ADK: variants seen among roughly 807,000 people sequenced by gnomAD.
The protein encoded by ADK is adenosine kinase, also known as N6,N6-dimethyladenosine kinase.
Under a neutral mutation model 44.7 loss-of-function variants are expected in ADK, and 24 were observed. That is an observed-to-expected ratio of 0.54 (90% CI 0.39 to 0.76). The LOEUF (loss-of-function observed/expected upper bound fraction) is 0.76, where lower values mean the gene tolerates loss of function less well. Ranked by LOEUF, ADK falls within the 30% of genes least tolerant of loss-of-function variation. The pLI, the probability that ADK is intolerant of heterozygous loss-of-function variation, is 0.00. For synonymous variants in ADK, 128 were observed against 142.6 expected (o/e 0.90, Z 0.73); for missense variants, 321 against 425.1 (o/e 0.76, Z 2.15).
rs1842347347 is a variant in ADK at position 74,176,620 on chromosome 10, A to C, written c.66-24144A>C. On this transcript the variant is annotated intron_variant, in intron 1 of 10. Coordinates refer to ENST00000539909, the MANE Select transcript of ADK (RefSeq NM_006721.4). ...CTAGCCCGCGCGCCAGTGAGCTGGC[A>C]CGAGACACGCGGTGGCCCACGGCGT... is the stretch of plus-strand genomic sequence containing the variant. 8 of 1,394,216 alleles carry C rather than the reference A, an allele frequency of 5.7e-6. No homozygotes were observed. The South Asian group carries it at 9.5e-5, about 17-fold the overall frequency. The allele number at this position is 1,394,216 out of a possible 1,614,324, so 86.4% of individuals were successfully genotyped here.
chr10:74,200,649 G>A (rs1843345083), intron 1 of ADK, 115 bp from the exon 2 acceptor site: 3 of 726,674 alleles, frequency 4.1e-6, no homozygotes, highest in South Asian at 1.5e-5. Context: ...TAATAAACTG[G>A]TGTGTTAGGT....
intron 4 of ADK, among the ~76,000 whole-genome samples, chr10:74,388,206 CTTGT>C (rs1260730742): frequency 6.6e-6 from 1 of 152,180 alleles, no homozygotes; most frequent in African/African-American, 2.4e-5. Flanking sequence ...TGCACACGGC[CTTGT>C]TTGTCAATTT....
intron 3 of ADK, among the ~76,000 whole-genome samples, chr10:74,241,312 C>G (rs1405601720): frequency 6.6e-6 from 1 of 152,168 alleles, no homozygotes; most frequent in African/African-American, 2.4e-5. Flanking sequence ...ATAGCCTCCC[C>G]CATTTTCAGC....
intron 4 of ADK, among the ~76,000 whole-genome samples, chr10:74,370,114 T>C (rs547879358): frequency 8.5e-5 from 13 of 152,290 alleles, no homozygotes; most frequent in African/African-American, 3.1e-4. Flanking sequence ...AAAACATTAC[T>C]GAATGAAAAT....
Position 74,349,847 on chromosome 10 carries a change from A to G in ADK, c.273+35102A>G, listed in dbSNP as rs373867614. On this transcript the variant is annotated intron_variant, in intron 4 of 10. Coordinates refer to ENST00000539909, the MANE Select transcript of ADK (RefSeq NM_006721.4). ...GGCATTACATAATGGTAAAGGGATC[A>G]ATGCAACAAGAAGAGCTATCGTAAA... Among the ~76,000 whole-genome samples, 5 of 152,328 alleles carry G rather than the reference A, an allele frequency of 3.3e-5. 1 individual carries two copies. Among genetic ancestry groups the G allele is most frequent in the African/African-American group, 1.2e-4 (5 of 41,574 alleles).
intron 10 of ADK, among the ~76,000 whole-genome samples, chr10:74,697,733 C>A (rs1856259857): frequency 6.6e-6 from 1 of 152,144 alleles, no homozygotes; most frequent in Non-Finnish European, 1.5e-5. Flanking sequence ...TTTCTTGATT[C>A]TCTGTAAATG....
At chr10:74,489,770 T>C (rs918882490) in intron 6 of ADK, among the ~76,000 whole-genome samples, 1 of 151,916 alleles carries the variant, frequency 6.6e-6, no homozygotes, top group African/African-American at 2.4e-5. Flanking sequence ...ATTAAACCAA[T>C]TTATATTTTC....
intron 6 of ADK, among the ~76,000 whole-genome samples, chr10:74,522,007 A>G (rs1848854147): frequency 1.3e-5 from 2 of 152,188 alleles, no homozygotes; most frequent in Non-Finnish European, 2.9e-5. Flanking sequence ...CTTTAAAGTG[A>G]TAAGAGGCAG....
chr10:74,385,438 C>T (rs1051733655), intron 4 of ADK, among the ~76,000 whole-genome samples: 19 of 152,044 alleles, frequency 1.2e-4, no homozygotes, highest in African/African-American at 3.4e-4. Flanking sequence ...AAAGTATATA[C>T]GGTAAGAATT....
At chr10:74,400,103 A>G (rs1005317205) in intron 6 of ADK, among the ~76,000 whole-genome samples, 9 of 152,126 alleles carry the variant, frequency 5.9e-5, no homozygotes, top group African/African-American at 2.2e-4. Context: ...TTAAATATTT[A>G]TACTTACGTG....
At chr10:74,635,690 T>A (rs1183015607) in intron 9 of ADK, among the ~76,000 whole-genome samples, 3 of 152,098 alleles carry the variant, frequency 2.0e-5, no homozygotes, top group Non-Finnish European at 4.4e-5. Flanking sequence ...CTAGACTCAT[T>A]AGGGATGTTC....
At chr10:74,597,668 A>G (rs1451136670) in intron 8 of ADK, among the ~76,000 whole-genome samples, 3 of 152,178 alleles carry the variant, frequency 2.0e-5, no homozygotes, top group Non-Finnish European at 4.4e-5. Flanking sequence ...CACAGAAGTG[A>G]TGTTCCTTTC....
chr10:74,169,751 A>G (rs2132052473), intron 1 of ADK, among the ~76,000 whole-genome samples: 1 of 152,350 alleles, frequency 6.6e-6, no homozygotes, highest in African/African-American at 2.4e-5. Flanking sequence ...TTCTTTGAAT[A>G]AACTTGTCCA....
chr10:74,631,852 G>A (rs912436936), intron 9 of ADK, among the ~76,000 whole-genome samples: 3 of 151,876 alleles, frequency 2.0e-5, no homozygotes, highest in Non-Finnish European at 2.9e-5. Flanking sequence ...TTACTTTTTC[G>A]CCATTCTTGT....
At chr10:74,323,788 T>C (rs1033307927) in intron 4 of ADK, among the ~76,000 whole-genome samples, 8 of 152,060 alleles carry the variant, frequency 5.3e-5, no homozygotes, top group African/African-American at 1.9e-4. Context: ...GCCAGGATGG[T>C]CTCTATCTCC....
intron 3 of ADK, among the ~76,000 whole-genome samples, chr10:74,294,135 A>G (rs968373607): frequency 1.3e-5 from 2 of 152,014 alleles, no homozygotes; most frequent in Non-Finnish European, 2.9e-5. Flanking sequence ...GTCCTATTCC[A>G]TCATATGAAT....
rs1856471750 is a variant in ADK, at chr10:74,702,576, C to CTT, written c.965-5744_965-5743insTT. 2.0e-5 allele frequency among the ~76,000 whole-genome samples: 3 copies of CTT among 149,442 alleles called. No individual in the cohort carries two copies. The Admixed American group carries it at 2.0e-4, about 10-fold the overall frequency. The stretch of plus-strand genomic sequence containing the variant: ...CCTTCCTTCCTTCCTTCCTTCCTCT[C>CTT]TCTCTCTCTGGTCTCTTTCTTTCTT... On this transcript the variant is annotated intron_variant, in intron 10 of 10. Transcript: ENST00000539909.
intron 9 of ADK, among the ~76,000 whole-genome samples, chr10:74,643,683 G>A (rs1033918888): frequency 6.6e-6 from 1 of 152,144 alleles, no homozygotes; most frequent in African/African-American, 2.4e-5. Flanking sequence ...TATTGTGGGT[G>A]ATATGTTGTA....
At chr10:74,481,267 T>C (rs780142884) in intron 6 of ADK, among the ~76,000 whole-genome samples, 3 of 152,196 alleles carry the variant, frequency 2.0e-5, no homozygotes, top group Non-Finnish European at 4.4e-5. Flanking sequence ...AAATAGATTT[T>C]GAACTGTTTT....
Sources: gnomAD v4.1 joint callset for allele counts (sites outside exome capture counted in the v4.1 genomes callset) on GRCh38, gnomAD v4.1.1 for gene constraint, MANE v1.5 for transcripts, NCBI Gene and HGNC (gene_info 2026-07-23, HGNC 2026-07-21) for gene names.